CDS1: variants seen among roughly 807,000 people sequenced by gnomAD.
The protein encoded by CDS1 is CDP-diacylglycerol synthase 1, also known as phosphatidate cytidylyltransferase 1.
In CDS1, 41 loss-of-function variants were observed where a neutral mutation model predicts 62.1. The observed-to-expected ratio is 0.66, with a 90% CI of 0.51 to 0.86. CDS1 has a LOEUF of 0.86. Among genes scored for constraint, CDS1 ranks in the 40% least tolerant of loss-of-function variants. CDS1 has a pLI of 0.00. For missense variants in CDS1, 470 were observed against 550.1 expected (o/e 0.85, Z 1.46); for synonymous variants, 185 against 192.6 (o/e 0.96, Z 0.32).
At chr4:84,585,458 G>A (rs1295181948) in intron 1 of CDS1, among the ~76,000 whole-genome samples, 1 of 152,154 alleles carries the variant, frequency 6.6e-6, no homozygotes, top group Admixed American at 6.5e-5. Flanking sequence ...ATCAGGGTGT[G>A]TATTTGAATA....
At position 84,645,270 on chromosome 4, in the gene CDS1, G is replaced by C. The variant is rs747072271; in HGVS notation, c.1201G>C (p.Asp401His). 1 of 1,613,174 alleles carries C rather than the reference G, an allele frequency of 6.2e-7. No homozygotes were observed. Among genetic ancestry groups the C allele is most frequent in the Non-Finnish European group, 8.5e-7 (1 of 1,179,306 alleles). ...ACATGGTGGGATAATGGACAGATTT[G>C]ATTGTCAGTATTTGATGGCAACTTT... ...PGHGGIMDRFDCQYLMATFVH... is the reference protein window; with the variant it reads ...PGHGGIMDRFHCQYLMATFVH... Residue 401 changes from aspartate (D) to histidine (H), a missense_variant, in exon 12 of 13, where the codon GAT becomes CAT. By Grantham distance (81) the Asp-to-His change is moderately conservative. This residue lies in a region of CDS1 where 68 missense variants were observed against 81.5 expected (regional missense o/e 0.83). Transcript: ENST00000295887.
chr4:84,620,230 T>G (rs1378786600), intron 5 of CDS1, among the ~76,000 whole-genome samples: 1 of 142,262 alleles, frequency 7.0e-6, no homozygotes, highest in Non-Finnish European at 1.5e-5. Context: ...TTTTTTTTTT[T>G]TTTTTTTTTT....
At chr4:84,637,549 C>T (rs12644583) in intron 8 of CDS1, among the ~76,000 whole-genome samples, 1 of 151,770 alleles carries the variant, frequency 6.6e-6, no homozygotes, top group Non-Finnish European at 1.5e-5. Context: ...ATTAGAAACC[C>T]CCTCCCTGAC....
intron 1 of CDS1, among the ~76,000 whole-genome samples, chr4:84,598,399 T>C (rs75381049): frequency 0.017 from 2,571 of 151,234 alleles, 66 homozygotes; most frequent in African/African-American, 0.06. Flanking sequence ...AACTCACTTT[T>C]TTTCTTTTTC....
chr4:84,608,900 C>G (rs542929037), intron 2 of CDS1, among the ~76,000 whole-genome samples: 14 of 151,958 alleles, frequency 9.2e-5, no homozygotes, highest in Non-Finnish European at 1.6e-4. Context: ...TCTTTCTGGC[C>G]GGGCGTGGTG....
chr4:84,615,629 G>T (rs1463228171), intron 3 of CDS1, among the ~76,000 whole-genome samples: 1 of 151,808 alleles, frequency 6.6e-6, no homozygotes, highest in Admixed American at 6.6e-5. Context: ...ACGTCCATTT[G>T]CCTATTTCAC....
intron 5 of CDS1, among the ~76,000 whole-genome samples, chr4:84,622,579 C>T (rs1377619418): frequency 3.3e-5 from 5 of 152,014 alleles, no homozygotes; most frequent in South Asian, 2.1e-4. Context: ...GGCGACAGAG[C>T]GAGACTCCAT....
chr4:84,629,499 A>G (rs1271506536), intron 5 of CDS1, among the ~76,000 whole-genome samples: 1 of 152,216 alleles, frequency 6.6e-6, no homozygotes, highest in Non-Finnish European at 1.5e-5. Context: ...TAAGTAATCT[A>G]GAAATGATTT....
chr4:84,607,789 A>T (rs1305058825), intron 2 of CDS1, among the ~76,000 whole-genome samples: 3 of 152,172 alleles, frequency 2.0e-5, no homozygotes, highest in Non-Finnish European at 2.9e-5. Context: ...CATATATGTT[A>T]CTAGACTTTA....
chr4:84,610,397 G>A (rs1723281987), intron 3 of CDS1, among the ~76,000 whole-genome samples: 2 of 152,200 alleles, frequency 1.3e-5, no homozygotes, highest in African/African-American at 4.8e-5. Flanking sequence ...GCACTGGAGA[G>A]GCAAGGAAAA....
intron 3 of CDS1, among the ~76,000 whole-genome samples, chr4:84,616,498 G>A (rs1327272672): frequency 6.6e-6 from 1 of 152,104 alleles, no homozygotes; most frequent in Non-Finnish European, 1.5e-5. Flanking sequence ...TCTGTTAAAG[G>A]ACCAGATAGT....
chr4:84,618,100 AATG>A (rs1386358817), intron 4 of CDS1, among the ~76,000 whole-genome samples: 2 of 152,188 alleles, frequency 1.3e-5, no homozygotes, highest in African/African-American at 4.8e-5. Context: ...AAATCACCAT[AATG>A]ATATTAACAT....
intron 8 of CDS1, among the ~76,000 whole-genome samples, chr4:84,636,933 ATATTGT>A (rs1724230728): frequency 6.6e-6 from 1 of 152,174 alleles, no homozygotes; most frequent in Non-Finnish European, 1.5e-5. Context: ...GGCTGTTTTG[ATATTGT>A]TATATGAATG....
intron 11 of CDS1, among the ~76,000 whole-genome samples, chr4:84,644,883 A>G (rs186027536): frequency 6.6e-6 from 1 of 152,356 alleles, no homozygotes; most frequent in East Asian, 1.9e-4. Flanking sequence ...TGTGGTTAAA[A>G]AGAAAGCTAG....
intron 3 of CDS1, among the ~76,000 whole-genome samples, chr4:84,609,931 T>C (rs1308236104): frequency 6.6e-6 from 1 of 151,802 alleles, no homozygotes; most frequent in East Asian, 1.9e-4. Context: ...AGGTGGGGGA[T>C]CACTTGAGCC....
At chr4:84,593,156 T>C (rs1252464752) in intron 1 of CDS1, among the ~76,000 whole-genome samples, 1 of 152,206 alleles carries the variant, frequency 6.6e-6, no homozygotes, top group Non-Finnish European at 1.5e-5. Flanking sequence ...GGGACACTAT[T>C]CATGTAGAGT....
At chr4:84,622,789 C>T (rs1175065364) in intron 5 of CDS1, among the ~76,000 whole-genome samples, 4 of 152,096 alleles carry the variant, frequency 2.6e-5, no homozygotes, top group Non-Finnish European at 5.9e-5. Flanking sequence ...TTACTTTAGG[C>T]ATTATCTATT....
intron 11 of CDS1, among the ~76,000 whole-genome samples, 189 bp from the exon 12 acceptor site, chr4:84,645,033 G>T (rs1283238370): frequency 2.6e-5 from 4 of 152,198 alleles, no homozygotes; most frequent in Non-Finnish European, 5.9e-5. Context: ...CATTCTAAAA[G>T]AAGCATGTAT....
At chr4:84,628,255 C>T (rs1448191083) in intron 5 of CDS1, among the ~76,000 whole-genome samples, 1 of 152,130 alleles carries the variant, frequency 6.6e-6, no homozygotes, top group Non-Finnish European at 1.5e-5. Flanking sequence ...TATGTGTTTA[C>T]TAAATTTTGA....
Sources: allele counts gnomAD v4.1 joint callset (sites outside exome capture counted in the v4.1 genomes callset), GRCh38; gene constraint gnomAD v4.1.1; regional missense constraint gnomAD v4.1.1; transcripts MANE v1.5; gene names NCBI Gene and HGNC (gene_info 2026-07-23, HGNC 2026-07-21).